The following CENPK variants were observed in gnomAD, a reference collection of about 807,000 sequenced individuals.
CENPK encodes the protein centromere protein K, also known as SoxLZ/Sox6-binding protein Solt.
Under a neutral mutation model 40.9 loss-of-function variants are expected in CENPK, and 46 were observed. The observed-to-expected ratio is 1.13, with a 90% CI of 0.89 to 1.44. The LOEUF is 1.44. Among genes scored for constraint, CENPK ranks in the 40% most tolerant of loss-of-function variants. The probability of loss-of-function intolerance (pLI) is 0.00; values close to 1 mark genes in which losing one functional copy is unlikely to be tolerated. For missense variants in CENPK, 288 were observed against 303.5 expected (o/e 0.95, Z 0.38); for synonymous variants, 107 against 104.4 (o/e 1.02, Z -0.15).
intron 6 of CENPK, among the ~76,000 whole-genome samples, chr5:65,531,210 A>G (rs1450452135): frequency 6.6e-6 from 1 of 152,148 alleles, no homozygotes; most frequent in Non-Finnish European, 1.5e-5. Context: ...TTTCAATGCA[A>G]TCATATTGAT....
the CENPK span, among the ~76,000 whole-genome samples, chr5:65,499,645 T>G: frequency 2.3e-5 from 3 of 131,744 alleles, no homozygotes; most frequent in Non-Finnish European, 4.8e-5. Flanking sequence ...GACAAAAATA[T>G]TAGATCTTTT....
At chr5:65,552,297 T>A (rs570585751) in intron 4 of CENPK, among the ~76,000 whole-genome samples, 196 bp downstream of exon 4, 7 of 152,368 alleles carry the variant, frequency 4.6e-5, no homozygotes, top group African/African-American at 1.7e-4. Context: ...TTATTTATAA[T>A]AGCTTGTTCT....
At chr5:65,511,183 GAA>G in the CENPK span, among the ~76,000 whole-genome samples, 11 of 152,204 alleles carry the variant, frequency 7.2e-5, no homozygotes, top group African/African-American at 2.7e-4. Flanking sequence ...AGCTGCAAAA[GAA>G]AAGTGTGAAG....
chr5:65,562,240 C>T (rs1752109613), intron 1 of CENPK, among the ~76,000 whole-genome samples: 1 of 152,078 alleles, frequency 6.6e-6, no homozygotes. Flanking sequence ...GGCTAAATCG[C>T]TGTGGAGATG....
chr5:65,528,726 A>G (rs1580927322), intron 8 of CENPK, 148 bp from the exon 9 acceptor site: 2 of 1,156,426 alleles, frequency 1.7e-6, no homozygotes, highest in East Asian at 5.4e-5. Flanking sequence ...CATATTGTCT[A>G]TATAACAAGT....
chr5:65,553,642 G>A (rs1750505904), intron 3 of CENPK, among the ~76,000 whole-genome samples: 1 of 152,024 alleles, frequency 6.6e-6, no homozygotes, highest in African/African-American at 2.4e-5. Flanking sequence ...ACCACCCAAC[G>A]GCCCAAACCA....
At chr5:65,547,814 A>T (rs909864468) in intron 5 of CENPK, among the ~76,000 whole-genome samples, 1 of 152,010 alleles carries the variant, frequency 6.6e-6, no homozygotes, top group African/African-American at 2.4e-5. Flanking sequence ...GCAGGCGCCC[A>T]CCACAACACC....
At chr5:65,514,230 C>CTTTTTTTTTTTTT (rs1183025827), downstream of CENPK, among the ~76,000 whole-genome samples, 15 of 62,798 alleles carry the variant, frequency 2.4e-4, no homozygotes, top group East Asian at 5.0e-4. Context: ...CTCACATAAT[C>CTTTTTTTTTTTTT]TTTTTTTTTT....
At chr5:65,539,841 A>G (rs1747640497) in intron 6 of CENPK, among the ~76,000 whole-genome samples, 1 of 152,130 alleles carries the variant, frequency 6.6e-6, no homozygotes, top group African/African-American at 2.4e-5. Flanking sequence ...AGGAGATATG[A>G]CCCTCCAGAA....
intron 2 of CENPK, among the ~76,000 whole-genome samples, chr5:65,555,469 T>C (rs902202476): frequency 1.3e-5 from 2 of 152,144 alleles, no homozygotes; most frequent in African/African-American, 4.8e-5. Flanking sequence ...ATCATGTGGG[T>C]TTGGTAGGCT....
At chr5:65,541,816 G>C (rs573072722) in intron 6 of CENPK, among the ~76,000 whole-genome samples, 1 of 152,054 alleles carries the variant, frequency 6.6e-6, no homozygotes, top group Admixed American at 6.6e-5. Flanking sequence ...GAATTTTTTG[G>C]TATTTGTTAT....
chr5:65,523,919 G>A (rs933394866), intron 9 of CENPK, among the ~76,000 whole-genome samples: 8 of 151,806 alleles, frequency 5.3e-5, no homozygotes, highest in Admixed American at 3.3e-4. Flanking sequence ...ATACCTAACA[G>A]AACTTGAGAT....
At position 65,557,090 on chromosome 5, in the gene CENPK, A is replaced by G. The variant is rs538326523; in HGVS notation, c.-39-2144T>C. ...TGAGAAGATCTTCAGGCCAGGAGCT[A>G]TTGAGGTAAGAACCAACTGAATAGT... On this transcript the variant is annotated intron_variant, in intron 2 of 10. Coordinates refer to ENST00000396679, the MANE Select transcript of CENPK (RefSeq NM_022145.5). Among the ~76,000 whole-genome samples, 5 of 152,280 alleles carry G rather than the reference A, an allele frequency of 3.3e-5. No individual in the cohort carries two copies. The South Asian group carries it at 1.0e-3, about 32-fold the overall frequency.
chr5:65,526,426 A>C (rs1183276663), intron 9 of CENPK, among the ~76,000 whole-genome samples: 2 of 152,366 alleles, frequency 1.3e-5, no homozygotes, highest in Non-Finnish European at 2.9e-5. Context: ...ATTATAAATA[A>C]GGGAAGAATA....
the CENPK span, among the ~76,000 whole-genome samples, chr5:65,501,111 C>A: frequency 6.7e-6 from 1 of 148,982 alleles, no homozygotes; most frequent in East Asian, 2.0e-4. Context: ...TTTATATCTT[C>A]TATTTCTTTG....
the CENPK span, among the ~76,000 whole-genome samples, chr5:65,502,470 G>C: frequency 6.6e-6 from 1 of 152,162 alleles, no homozygotes; most frequent in African/African-American, 2.4e-5. Context: ...AGAGGAGTGT[G>C]TCTACTCCAT....
chr5:65,536,157 C>T (rs1746857597), intron 6 of CENPK, among the ~76,000 whole-genome samples: 1 of 152,146 alleles, frequency 6.6e-6, no homozygotes, highest in Non-Finnish European at 1.5e-5. Flanking sequence ...GGGACAGATG[C>T]TGGCACTGCA....
At position 65,563,155 on chromosome 5, in the gene CENPK, C is replaced by T; in HGVS notation, c.-199G>A. 6 of 968,174 alleles carry T rather than the reference C, an allele frequency of 6.2e-6. No homozygotes were observed. The highest frequency in any genetic ancestry group is 1.7e-5 in the South Asian group (1 of 57,866). The allele number at this position is 968,174 out of a possible 1,614,324, so 60.0% of individuals were successfully genotyped here. Reference sequence around the variant, plus strand: ...GCGCTGCGCAGGAAGCGCTTGCCAGCCCCGGACTTCTGCGCGCGCTGCATG... The same window carrying T: ...GCGCTGCGCAGGAAGCGCTTGCCAGTCCCGGACTTCTGCGCGCGCTGCATG... On this transcript the variant is annotated 5_prime_UTR_variant, in exon 1 of 11. Coordinates refer to ENST00000396679, the MANE Select transcript of CENPK (RefSeq NM_022145.5).
the CENPK span, among the ~76,000 whole-genome samples, chr5:65,512,673 TCAAA>T: frequency 2.0e-5 from 3 of 152,224 alleles, no homozygotes; most frequent in East Asian, 5.8e-4. Context: ...TACGGGGAAA[TCAAA>T]CAATTTGTGT....
Sources: allele counts gnomAD v4.1 joint callset (sites outside exome capture counted in the v4.1 genomes callset), GRCh38; gene constraint gnomAD v4.1.1; transcripts MANE v1.5; gene names NCBI Gene and HGNC (gene_info 2026-07-23, HGNC 2026-07-21).